The following STX8 variants were observed in gnomAD, a reference collection of about 807,000 sequenced individuals.
STX8 encodes syntaxin 8.
In STX8, 23 loss-of-function variants were observed where a neutral mutation model predicts 37.5. That is an observed-to-expected ratio of 0.61 (90% CI 0.44 to 0.87). The LOEUF (loss-of-function observed/expected upper bound fraction) is 0.87. Among genes scored for constraint, STX8 ranks in the 40% least tolerant of loss-of-function variants. The pLI, the probability that STX8 is intolerant of heterozygous loss-of-function variation, is 0.00. For synonymous variants in STX8, 115 were observed against 99.1 expected (o/e 1.16, Z -0.95); for missense variants, 313 against 284.7 (o/e 1.10, Z -0.71).
chr17:9,493,890 T>G lies in STX8; in HGVS notation c.449-1969A>C, dbSNP rs572085836. 9.5e-4 allele frequency among the ~76,000 whole-genome samples: 145 copies of G among 152,270 alleles called. 2 individuals carry two copies. Among genetic ancestry groups the G allele is most frequent in the Non-Finnish European group, 1.9e-3 (126 of 68,024 alleles). On this transcript the variant is annotated intron_variant, in intron 5 of 7. Transcript: ENST00000306357. ...GTACCTAAATGCCCAAACACAGAGA[T>G]GTTTATAAATTTATAGTATATCCAC... is the stretch of plus-strand genomic sequence containing the variant.
intron 7 of STX8, among the ~76,000 whole-genome samples, chr17:9,309,593 T>C (rs969850129): frequency 5.3e-5 from 8 of 152,136 alleles, no homozygotes; most frequent in African/African-American, 1.7e-4. Flanking sequence ...TACTGGATCC[T>C]GGGTAATGTA....
chr17:9,521,745 G>A (rs992097307), intron 4 of STX8, among the ~76,000 whole-genome samples: 6 of 152,188 alleles, frequency 3.9e-5, no homozygotes, highest in African/African-American at 1.4e-4. Context: ...CGACTGCAAA[G>A]TTGATACTCA....
chr17:9,304,743 G>A (rs1285052333), intron 7 of STX8, among the ~76,000 whole-genome samples: 13 of 151,862 alleles, frequency 8.6e-5, no homozygotes, highest in African/African-American at 2.9e-4. Context: ...TGAGGCGATA[G>A]TCTTATACAA....
At chr17:9,389,139 A>G (rs1157155756) in intron 6 of STX8, among the ~76,000 whole-genome samples, 1 of 152,202 alleles carries the variant, frequency 6.6e-6, no homozygotes, top group East Asian at 1.9e-4. Flanking sequence ...TTTTTAATAG[A>G]CTTATACTGC....
intron 6 of STX8, among the ~76,000 whole-genome samples, chr17:9,386,090 A>C (rs1911997132): frequency 7.0e-6 from 1 of 143,074 alleles, no homozygotes; most frequent in South Asian, 2.3e-4. Context: ...AAACGGAAAT[A>C]AAAGCCTATT....
In STX8 at chr17:9,409,246, C is replaced by A. The variant is rs114851609; in HGVS notation, c.542-30593G>T. ...GGAGTCTTTCCGGTTTCTGCCTTCCCCCGTGGTGCCTGCAGGCGTAGAAAC... is the reference window on the plus strand; with the variant it reads ...GGAGTCTTTCCGGTTTCTGCCTTCCACCGTGGTGCCTGCAGGCGTAGAAAC... On this transcript the variant is annotated intron_variant, in intron 6 of 7. Coordinates refer to ENST00000306357, the MANE Select transcript of STX8 (RefSeq NM_004853.3). Among the ~76,000 whole-genome samples the A allele has an allele frequency of 5.3e-3, 811 of 152,222 alleles. 7 individuals carry two copies. Among genetic ancestry groups the A allele is most frequent in the African/African-American group, 0.018 (766 of 41,510 alleles).
intron 7 of STX8, among the ~76,000 whole-genome samples, chr17:9,264,745 G>A (rs1428903155): frequency 2.0e-5 from 3 of 152,124 alleles, no homozygotes; most frequent in Non-Finnish European, 4.4e-5. Context: ...GCTTCATGTG[G>A]TTTTAAATTT....
chr17:9,451,219 T>A (rs978028424), intron 6 of STX8, among the ~76,000 whole-genome samples: 3 of 152,224 alleles, frequency 2.0e-5, no homozygotes, highest in African/African-American at 7.2e-5. Context: ...CAAGCTAGAC[T>A]TGGAGTGGTC....
intron 6 of STX8, among the ~76,000 whole-genome samples, chr17:9,464,392 G>A (rs1390952138): frequency 6.6e-6 from 1 of 152,174 alleles, no homozygotes; most frequent in Non-Finnish European, 1.5e-5. Context: ...CTGCCGCTAG[G>A]TATAATCCTT....
At chr17:9,261,667 C>T (rs1907045227) in intron 7 of STX8, among the ~76,000 whole-genome samples, 1 of 152,140 alleles carries the variant, frequency 6.6e-6, no homozygotes, top group African/African-American at 2.4e-5. Context: ...CTCAGCTCAG[C>T]AACTGCCACA....
chr17:9,484,893 C>A (rs1325810996), intron 6 of STX8, among the ~76,000 whole-genome samples: 1 of 152,056 alleles, frequency 6.6e-6, no homozygotes, highest in Non-Finnish European at 1.5e-5. Context: ...TGAAGTGAGT[C>A]AGTATGGTGG....
chr17:9,379,138 G>A (rs1394529040), intron 6 of STX8, among the ~76,000 whole-genome samples: 3 of 151,644 alleles, frequency 2.0e-5, no homozygotes, highest in African/African-American at 7.3e-5. Flanking sequence ...CCAGCTACTC[G>A]GGAGGCTGAG....
chr17:9,440,888 G>C (rs1297779390), intron 6 of STX8, among the ~76,000 whole-genome samples: 1 of 152,020 alleles, frequency 6.6e-6, no homozygotes, highest in African/African-American at 2.4e-5. Flanking sequence ...CCCAACACTT[G>C]AAATGCCGGC....
intron 1 of STX8, among the ~76,000 whole-genome samples, chr17:9,574,426 T>C (rs143754497): frequency 9.9e-4 from 150 of 152,042 alleles, no homozygotes; most frequent in African/African-American, 3.4e-3. Context: ...TTCCAAATTA[T>C]AGAGTTAAAG....
chr17:9,306,595 CAAA>C (rs71135963), intron 7 of STX8, among the ~76,000 whole-genome samples: 85 of 69,890 alleles, frequency 1.2e-3, no homozygotes, highest in African/African-American at 3.4e-3. Context: ...ACTAAAAATA[CAAA>C]AAAAAAAAAA....
intron 6 of STX8, among the ~76,000 whole-genome samples, chr17:9,473,946 G>A (rs927705880): frequency 6.6e-5 from 10 of 152,198 alleles, no homozygotes; most frequent in Non-Finnish European, 1.5e-4. Flanking sequence ...CATACCAATG[G>A]CTAGAGGGCT....
At chr17:9,394,371 T>C (rs1395045264) in intron 6 of STX8, among the ~76,000 whole-genome samples, 1 of 151,934 alleles carries the variant, frequency 6.6e-6, no homozygotes, top group East Asian at 1.9e-4. Context: ...TATTTATTTA[T>C]TTATTTAAAT....
chr17:9,470,038 A>C (rs1305431161), intron 6 of STX8: 1 of 152,202 alleles, frequency 6.6e-6, no homozygotes, highest in Non-Finnish European at 1.5e-5. Flanking sequence ...AACTAACCAA[A>C]TTGGTTGACA....
At chr17:9,330,041 G>C (rs1909911197) in intron 7 of STX8, among the ~76,000 whole-genome samples, 2 of 152,118 alleles carry the variant, frequency 1.3e-5, no homozygotes, top group African/African-American at 4.8e-5. Context: ...GAGGGCAGAG[G>C]TGCGATACCC....
Sources: allele counts gnomAD v4.1 joint callset (sites outside exome capture counted in the v4.1 genomes callset), GRCh38; gene constraint gnomAD v4.1.1; transcripts MANE v1.5; gene names NCBI Gene and HGNC (gene_info 2026-07-23, HGNC 2026-07-21).